The following KAT6A variants were observed in gnomAD, a reference collection of about 807,000 sequenced individuals.
The protein encoded by KAT6A is lysine acetyltransferase 6A.
A neutral mutation model predicts 198.4 loss-of-function variants in KAT6A; 9 were observed. The observed-to-expected ratio is 0.05, with a 90% CI of 0.03 to 0.08. KAT6A has a LOEUF of 0.08. KAT6A is among the 10% of genes least tolerant of loss of function. The pLI, the probability that KAT6A is intolerant of heterozygous loss-of-function variation, is 1.00. For missense variants in KAT6A, 2,077 were observed against 2,509.9 expected (o/e 0.83, Z 3.69); for synonymous variants, 890 against 883.0 (o/e 1.01, Z -0.14).
intron 2 of KAT6A, among the ~76,000 whole-genome samples, chr8:42,041,512 G>A (rs954690793): frequency 3.9e-5 from 6 of 152,152 alleles, no homozygotes; most frequent in South Asian, 2.1e-4. Context: ...GGAGGTGGGC[G>A]GATCACCTGA....
chr8:41,979,424 A>C (rs1824237319), intron 5 of KAT6A, among the ~76,000 whole-genome samples: 1 of 151,548 alleles, frequency 6.6e-6, no homozygotes, highest in East Asian at 1.9e-4. Context: ...GGATTACCTG[A>C]GGTCAGGAGT....
chr8:42,001,662 C>T (rs1825500245), intron 2 of KAT6A, among the ~76,000 whole-genome samples: 2 of 152,124 alleles, frequency 1.3e-5, no homozygotes, highest in South Asian at 4.1e-4. Context: ...AGAGCTAGGG[C>T]AAAAGTAAGA....
Position 41,932,634 on chromosome 8 carries a change from C to T in KAT6A, c.5586G>A (p.Ala1862=), listed in dbSNP as rs199854130. ...GGTGAGCAGCCGCAGAGGGCAGTGG[C>T]GCAGACTTGGAGCGGATGGAAATGT... ...KGHISIRSKS[A]PLPSAAAHQQ... Residue 1862 remains alanine (A), a synonymous_variant, in exon 17 of 17, where the codon GCG becomes GCA. Transcript: ENST00000265713. 1.5e-4 allele frequency: 245 copies of T among 1,613,924 alleles called. No individual in the cohort carries two copies. Among genetic ancestry groups the T allele is most frequent in the Non-Finnish European group, 2.0e-4 (238 of 1,179,918 alleles).
Position 41,943,821 on chromosome 8 carries a change from A to T in KAT6A, c.2155T>A (p.Leu719Met), listed in dbSNP as rs775643609. 6.2e-7 allele frequency: 1 copy of T among 1,614,008 alleles called. No individual in the cohort carries two copies. The highest frequency in any genetic ancestry group is 1.1e-5 in the South Asian group (1 of 91,084). ...ATGTCTTGAGGGCAGATTCCAGTCA[A>T]CTTGCTTAACTTCTTAATGCTGATC... ...KQISIKKLSK[L>M]TGICPQDITS... The change falls in exon 13 of 17, where the codon TTG becomes ATG. Residue 719 changes from leucine to methionine, a missense_variant. By Grantham distance (15) the Leu-to-Met change is conservative (BLOSUM62 2). Around this residue, in one of 13 missense-constraint regions of KAT6A, gnomAD observed 127 missense variants for 209.6 expected, o/e 0.61. Transcript: ENST00000265713.
intron 15 of KAT6A, among the ~76,000 whole-genome samples, chr8:41,939,422 C>T (rs911732314): frequency 1.3e-5 from 2 of 152,174 alleles, no homozygotes; most frequent in African/African-American, 2.4e-5. Flanking sequence ...GGTTGGACTA[C>T]AGTGGCTATT....
intron 2 of KAT6A, among the ~76,000 whole-genome samples, chr8:41,999,392 C>CT (rs1825375574): frequency 6.6e-6 from 1 of 152,054 alleles, no homozygotes; most frequent in African/African-American, 2.4e-5. Context: ...TGGTCCTTTT[C>CT]TTTCTACTTT....
In KAT6A at chr8:42,001,576, T is replaced by C. The variant is rs189005978; in HGVS notation, c.601-14013A>G. Among the ~76,000 whole-genome samples the C allele has an allele frequency of 7.2e-4, 109 of 152,334 alleles. 1 individual carries two copies. Among genetic ancestry groups the C allele is most frequent in the Middle Eastern group, 3.4e-3 (1 of 294 alleles). On this transcript the variant is annotated intron_variant, in intron 2 of 16. Coordinates refer to ENST00000265713, the MANE Select transcript of KAT6A (RefSeq NM_006766.5). ...ACTAAAAAAACAAGTATGTCATTTT[T>C]CAGTAATTTTTTAAAAGGCATGGGG... is the stretch of plus-strand genomic sequence containing the variant.
intron 2 of KAT6A, among the ~76,000 whole-genome samples, chr8:41,989,570 C>T (rs1475405349): frequency 6.6e-6 from 1 of 151,956 alleles, no homozygotes; most frequent in Non-Finnish European, 1.5e-5. Context: ...CGTAACATAA[C>T]ATAACTAAAA....
At chr8:42,021,099 G>A (rs575013501) in intron 2 of KAT6A, among the ~76,000 whole-genome samples, 17 of 151,982 alleles carry the variant, frequency 1.1e-4, no homozygotes, top group Admixed American at 6.6e-5. Flanking sequence ...GCCAAACTGA[G>A]GGGGAATAGG....
At chr8:42,010,073 G>A (rs1488097307) in intron 2 of KAT6A, among the ~76,000 whole-genome samples, 2 of 152,098 alleles carry the variant, frequency 1.3e-5, no homozygotes, top group African/African-American at 4.8e-5. Context: ...CCAAGGCAGA[G>A]GCAGATGGAT....
At chr8:42,016,277 T>C (rs1826268122) in intron 2 of KAT6A, among the ~76,000 whole-genome samples, 1 of 152,244 alleles carries the variant, frequency 6.6e-6, no homozygotes, top group Non-Finnish European at 1.5e-5. Context: ...ATTCAGGAAC[T>C]GCGTGCCAAG....
At chr8:42,041,192 C>CAA (rs10595164) in intron 2 of KAT6A, among the ~76,000 whole-genome samples, 17 of 88,830 alleles carry the variant, frequency 1.9e-4, no homozygotes, top group Admixed American at 4.7e-4. Context: ...GATTCCGTCT[C>CAA]AAAAAAAAAA....
Position 41,942,928 on chromosome 8 carries a change from T to C in KAT6A, c.2301A>G (p.Val767=), listed in dbSNP as rs147750481. Residue 767 remains valine (V), a synonymous_variant, in exon 14 of 17, where the codon GTA becomes GTG. Coordinates refer to ENST00000265713, the MANE Select transcript of KAT6A (RefSeq NM_006766.5). Reference sequence around the variant, plus strand: ...AGCGCAAACATTCTGGATCTACATCTACAGGTCGCAAATTCAGCTGAAGCT... The same window carrying C: ...AGCGCAAACATTCTGGATCTACATCCACAGGTCGCAAATTCAGCTGAAGCT... ...MAKLQLNLRP[V]DVDPECLRWT... is the part of the protein sequence containing the mutation. 6.2e-7 allele frequency: 1 copy of C among 1,614,068 alleles called. No homozygotes were observed. The highest frequency in any genetic ancestry group is 8.5e-7 in the Non-Finnish European group (1 of 1,180,048).
At chr8:42,016,178 C>T (rs1231160823) in intron 2 of KAT6A, among the ~76,000 whole-genome samples, 1 of 152,126 alleles carries the variant, frequency 6.6e-6, no homozygotes, top group African/African-American at 2.4e-5. Flanking sequence ...GTGGGAATTC[C>T]ACAGTTCCTT....
At chr8:41,991,086 T>C (rs372178532) in intron 2 of KAT6A, among the ~76,000 whole-genome samples, 4 of 151,936 alleles carry the variant, frequency 2.6e-5, no homozygotes, top group Admixed American at 1.3e-4. Context: ...TTTGAAAATG[T>C]TGACGTTATC....
chr8:41,940,579 T>C (rs1282218496), intron 15 of KAT6A, among the ~76,000 whole-genome samples: 1 of 152,214 alleles, frequency 6.6e-6, no homozygotes, highest in Non-Finnish European at 1.5e-5. Flanking sequence ...AAAAAAAGTT[T>C]GTTTGCATCC....
At chr8:41,989,246 C>A (rs1350908777) in intron 2 of KAT6A, among the ~76,000 whole-genome samples, 1 of 152,126 alleles carries the variant, frequency 6.6e-6, no homozygotes, top group African/African-American at 2.4e-5. Context: ...CAGTGGCTCA[C>A]GCTTGTAATC....
At position 41,934,478 on chromosome 8, in the gene KAT6A, C is replaced by T. The variant is rs761598652; in HGVS notation, c.3742G>A (p.Glu1248Lys). ...EGEEEDAASSEVPAASPADSS... is the reference protein window; with the variant it reads ...EGEEEDAASSKVPAASPADSS... ...TCTGCTGGAGAGGCTGCTGGGACTT[C>T]ACTGCTGGCTGCATCCTCTTCCTCA... The change falls in exon 17 of 17, where the codon GAA (glutamate) becomes AAA (lysine). Residue 1248 changes from glutamate (E) to lysine (K), a missense_variant. Glu to Lys is a moderately conservative substitution (Grantham distance 56). Coordinates refer to ENST00000265713, the MANE Select transcript of KAT6A (RefSeq NM_006766.5). The T allele has an allele frequency of 1.9e-6, 3 of 1,609,548 alleles. No individual in the cohort carries two copies. The Admixed American group carries it at 5.1e-5, about 27-fold the overall frequency.
chr8:41,956,791 T>C (rs551056540), intron 8 of KAT6A, among the ~76,000 whole-genome samples: 4 of 152,330 alleles, frequency 2.6e-5, no homozygotes, highest in South Asian at 2.1e-4. Flanking sequence ...GAATACATAA[T>C]ACAGGGTTAA....
Sources: gnomAD v4.1 joint callset for allele counts (sites outside exome capture counted in the v4.1 genomes callset) on GRCh38, gnomAD v4.1.1 for gene constraint, gnomAD v4.1.1 regional missense constraint, MANE v1.5 for transcripts, NCBI Gene and HGNC (gene_info 2026-07-23, HGNC 2026-07-21) for gene names.